SRBD1: variants seen among roughly 807,000 people sequenced by gnomAD.
SRBD1 encodes the protein S1 RNA binding domain 1, also known as S1 RNA-binding domain-containing protein 1.
In SRBD1, 88 loss-of-function variants were observed where a neutral mutation model predicts 115.3. That is an observed-to-expected ratio of 0.76 (90% CI 0.64 to 0.91). The LOEUF is 0.91. Ranked by LOEUF, SRBD1 falls within the 40% of genes least tolerant of loss-of-function variation. The probability of loss-of-function intolerance (pLI) is 0.00; values close to 1 mark genes in which losing one functional copy is unlikely to be tolerated. For missense variants in SRBD1, 1,385 were observed against 1,177.4 expected (o/e 1.18, Z -2.58); for synonymous variants, 509 against 407.7 (o/e 1.25, Z -2.99).
intron 14 of SRBD1, among the ~76,000 whole-genome samples, chr2:45,495,397 C>G (rs1670424111): frequency 1.3e-5 from 2 of 152,204 alleles, no homozygotes; most frequent in Non-Finnish European, 2.9e-5. Context: ...AGTACCTCTA[C>G]TGAGGTAGAA....
chr2:45,401,965 C>A (rs1039304637), intron 19 of SRBD1, among the ~76,000 whole-genome samples: 1 of 152,188 alleles, frequency 6.6e-6, no homozygotes, highest in Non-Finnish European at 1.5e-5. Context: ...GAAGGCAATT[C>A]TCAAGGAGCA....
chr2:45,540,785 C>A (rs910956675), intron 14 of SRBD1, among the ~76,000 whole-genome samples: 8 of 152,156 alleles, frequency 5.3e-5, no homozygotes, highest in African/African-American at 1.9e-4. Context: ...TCATTAATCA[C>A]TAGGAAAATG....
intron 12 of SRBD1, among the ~76,000 whole-genome samples, chr2:45,549,696 C>CAAAAAAAAAAA (rs10646755): frequency 5.4e-4 from 46 of 84,684 alleles, no homozygotes; most frequent in African/African-American, 8.4e-4. Context: ...ACTAAAAATA[C>CAAAAAAAAAAA]AAAAAAAAAA....
At chr2:45,490,587 T>G (rs1670262741) in intron 14 of SRBD1, among the ~76,000 whole-genome samples, 1 of 152,200 alleles carries the variant, frequency 6.6e-6, no homozygotes. Context: ...AGATTTATTT[T>G]CTATCATTTC....
chr2:45,603,077 C>G (rs1038173922), intron 2 of SRBD1, among the ~76,000 whole-genome samples: 1 of 152,098 alleles, frequency 6.6e-6, no homozygotes, highest in African/African-American at 2.4e-5. Flanking sequence ...AAATAGAAAA[C>G]TAGGGTTCCA....
Position 45,570,472 on chromosome 2 carries a change from G to A in SRBD1, c.1305+2735C>T, listed in dbSNP as rs138188695. ...CTCTGGAATAGAATGAGGAGTGTGC[G>A]ATACTGTATTTTAAAGACGTTGTTA... On this transcript the variant is annotated intron_variant, in intron 9 of 20. Coordinates refer to ENST00000263736, the MANE Select transcript of SRBD1 (RefSeq NM_018079.5). Among the ~76,000 whole-genome samples the A allele has an allele frequency of 2.2e-3, 328 of 152,290 alleles. 1 individual carries two copies. The highest frequency in any genetic ancestry group is 7.1e-3 in the African/African-American group (296 of 41,558).
intron 14 of SRBD1, among the ~76,000 whole-genome samples, chr2:45,516,324 G>A (rs1317606468): frequency 6.6e-6 from 1 of 152,154 alleles, no homozygotes; most frequent in Admixed American, 6.5e-5. Context: ...GGTGGGATCT[G>A]TGTGCTTAAT....
chr2:45,530,170 T>C (rs944946980), intron 14 of SRBD1, among the ~76,000 whole-genome samples: 4 of 151,992 alleles, frequency 2.6e-5, no homozygotes, highest in Non-Finnish European at 4.4e-5. Context: ...AATGGACTAA[T>C]TGAGTAAACA....
At chr2:45,462,116 A>T (rs571125378) in intron 16 of SRBD1, among the ~76,000 whole-genome samples, 1 of 152,368 alleles carries the variant, frequency 6.6e-6, no homozygotes, top group South Asian at 2.1e-4. Flanking sequence ...AAGGTCCACA[A>T]ATCAAAATGC....
At chr2:45,406,533 C>A (rs1420832515) in intron 19 of SRBD1, among the ~76,000 whole-genome samples, 1 of 152,156 alleles carries the variant, frequency 6.6e-6, no homozygotes, top group Non-Finnish European at 1.5e-5. Context: ...CATCCTCTTG[C>A]TGAAAACCCT....
At chr2:45,468,098 C>T (rs1669543826) in intron 16 of SRBD1, among the ~76,000 whole-genome samples, 1 of 152,100 alleles carries the variant, frequency 6.6e-6, no homozygotes, top group Non-Finnish European at 1.5e-5. Flanking sequence ...ATCTTAAATT[C>T]TGCGCTTATT....
At chr2:45,547,154 G>A (rs767817411) in intron 13 of SRBD1, among the ~76,000 whole-genome samples, 4 of 152,082 alleles carry the variant, frequency 2.6e-5, no homozygotes, top group Non-Finnish European at 5.9e-5. Flanking sequence ...CATCTAAGCC[G>A]TAATAAAGAT....
intron 4 of SRBD1, among the ~76,000 whole-genome samples, chr2:45,586,241 A>C (rs1421565194): frequency 6.6e-6 from 1 of 152,236 alleles, no homozygotes; most frequent in Non-Finnish European, 1.5e-5. Flanking sequence ...TAACATATAC[A>C]TGCCTCTAGA....
intron 15 of SRBD1, among the ~76,000 whole-genome samples, chr2:45,482,608 C>T (rs544192448): frequency 8.9e-5 from 9 of 101,322 alleles, no homozygotes; most frequent in East Asian, 4.6e-4. Context: ...CTATTCACAA[C>T]GTTAAACACA....
intron 4 of SRBD1, among the ~76,000 whole-genome samples, chr2:45,586,170 A>G (rs577563850): frequency 6.6e-6 from 1 of 152,356 alleles, no homozygotes; most frequent in African/African-American, 2.4e-5. Flanking sequence ...ATATCTATGA[A>G]AATTTACAAT....
At chr2:45,537,225 G>A (rs565917216) in intron 14 of SRBD1, among the ~76,000 whole-genome samples, 7 of 152,204 alleles carry the variant, frequency 4.6e-5, no homozygotes, top group Non-Finnish European at 7.4e-5. Flanking sequence ...TTCAGCACTG[G>A]AGTCTTCTTA....
At chr2:45,569,055 C>T (rs545981043) in intron 9 of SRBD1, 1 of 127,498 alleles carries the variant, frequency 7.8e-6, no homozygotes, top group Non-Finnish European at 1.6e-5. Flanking sequence ...TACCTCTACA[C>T]CCTAAACAGG....
intron 14 of SRBD1, among the ~76,000 whole-genome samples, chr2:45,505,434 G>T (rs1670767946): frequency 6.6e-6 from 1 of 152,104 alleles, no homozygotes; most frequent in African/African-American, 2.4e-5. Context: ...AGGATTAGCT[G>T]CCCAGAGAAA....
At chr2:45,434,410 A>C (rs1177226300) in intron 16 of SRBD1, among the ~76,000 whole-genome samples, 2 of 152,164 alleles carry the variant, frequency 1.3e-5, no homozygotes, top group Non-Finnish European at 2.9e-5. Context: ...AATCTTTAGC[A>C]GCTTTTCTGT....
Sources: gnomAD v4.1 joint callset for allele counts (sites outside exome capture counted in the v4.1 genomes callset) on GRCh38, gnomAD v4.1.1 for gene constraint, MANE v1.5 for transcripts, NCBI Gene and HGNC (gene_info 2026-07-23, HGNC 2026-07-21) for gene names.